The following ATP7A variants were observed in gnomAD, a reference collection of about 807,000 sequenced individuals.
ATP7A encodes copper-transporting ATPase 1.
A neutral mutation model predicts 83.5 loss-of-function variants in ATP7A; 7 were observed. The observed-to-expected ratio is 0.08, with a 90% CI of 0.05 to 0.16. The LOEUF (loss-of-function observed/expected upper bound fraction) is 0.16. Ranked by LOEUF, ATP7A falls within the 10% of genes least tolerant of loss-of-function variation. The pLI is 1.00. For missense variants in ATP7A, 940 were observed against 1,120.8 expected (o/e 0.84, Z 2.30); for synonymous variants, 354 against 395.2 (o/e 0.90, Z 1.24).
At position 77,928,261 on chromosome X, in the gene ATP7A, C is replaced by T. The variant is rs187068181; in HGVS notation, c.-22+17426C>T. Among the ~76,000 whole-genome samples, 5 of 111,217 alleles carry T rather than the reference C, an allele frequency of 4.5e-5. No individual in the cohort carries two copies. In the Admixed American group the frequency reaches 4.8e-4, roughly 11 times the overall value. On this transcript the variant is annotated intron_variant, in intron 1 of 22. Coordinates refer to ENST00000341514, the MANE Select transcript of ATP7A (RefSeq NM_000052.7). ...TGGTGTTAGTTTATACTACCATCAG[C>T]AGTATATCATAGTTCGTTAACTCAA...
At chrX:78,034,366 T>C (rs1239201277) in intron 17 of ATP7A, among the ~76,000 whole-genome samples, 1 of 111,773 alleles carries the variant, frequency 8.9e-6, no homozygotes. Context: ...CTTAAACATA[T>C]AAACATTTCT....
chrX:77,926,879 T>G (rs1218481997), intron 1 of ATP7A, among the ~76,000 whole-genome samples: 1 of 110,182 alleles, frequency 9.1e-6, no homozygotes, highest in Admixed American at 9.7e-5. Context: ...ATTTTTGTGT[T>G]TTCAGTAGAG....
chrX:77,922,028 C>T (rs1557223160), intron 1 of ATP7A, among the ~76,000 whole-genome samples: 1 of 111,015 alleles, frequency 9.0e-6, no homozygotes, highest in African/African-American at 3.3e-5. Context: ...CTCCTGGCCT[C>T]AAGAAGTCCT....
intron 1 of ATP7A, among the ~76,000 whole-genome samples, chrX:77,920,236 G>A (rs1557222956): frequency 9.7e-6 from 1 of 103,581 alleles, no homozygotes; most frequent in African/African-American, 3.6e-5. Context: ...TTTTTTTTGA[G>A]ACGGAATCTC....
At chrX:77,972,618 T>G (rs2077554911) in intron 2 of ATP7A, among the ~76,000 whole-genome samples, 1 of 111,760 alleles carries the variant, frequency 8.9e-6, no homozygotes, top group South Asian at 3.7e-4. Context: ...TCCAAACTGT[T>G]GGGATTACAG....
At chrX:77,985,388 G>C (rs369138103) in intron 2 of ATP7A, among the ~76,000 whole-genome samples, 1 of 107,377 alleles carries the variant, frequency 9.3e-6, no homozygotes, top group Admixed American at 1.0e-4. Context: ...TGACATTTTT[G>C]GGGGGGGTGG....
At chrX:78,017,989 G>T (rs1401868411) in intron 12 of ATP7A, among the ~76,000 whole-genome samples, 6 of 104,914 alleles carry the variant, frequency 5.7e-5, no homozygotes, top group Admixed American at 1.0e-4. Flanking sequence ...TGTTAGCCAG[G>T]ATGGTCTCAA....
At position 78,029,437 on chromosome X, in the gene ATP7A, C is replaced by T. The variant is rs1569550144; in HGVS notation, c.3104C>T (p.Ala1035Val). 1 of 1,208,836 alleles carries T rather than the reference C, an allele frequency of 8.3e-7. No homozygotes were observed. The highest frequency in any genetic ancestry group is 1.1e-6 in the Non-Finnish European group (1 of 893,704). ...AAAGGTGGAGAGCCATTGGAGATGG[C>T]TCATAAGGTAAGACAGTCCCCAGAA... ...LIKGGEPLEM[A>V]HKVKVVVFDK... The change falls in exon 15 of 23, where the codon GCT becomes GTT. Residue 1035 changes from alanine to valine, a missense_variant. Coordinates refer to ENST00000341514, the MANE Select transcript of ATP7A (RefSeq NM_000052.7).
At chrX:77,998,075 G>C (rs1354373030) in intron 4 of ATP7A, among the ~76,000 whole-genome samples, 3 of 110,343 alleles carry the variant, frequency 2.7e-5, no homozygotes, top group Non-Finnish European at 5.7e-5. Flanking sequence ...CTGCAATGCT[G>C]TTTTGCAAAT....
chrX:77,953,326 CTTGT>C (rs1250414359), intron 1 of ATP7A, among the ~76,000 whole-genome samples: 2 of 111,349 alleles, frequency 1.8e-5, no homozygotes, highest in African/African-American at 3.3e-5. Context: ...GGTACATGTG[CTTGT>C]TTGTTACATG....
Position 78,014,206 on chromosome X carries a change from G to C in ATP7A, c.2407-456G>C, listed in dbSNP as rs188424661. ...GTGGATCACGAGGTCAGGAGTTTGA[G>C]ACCGGCCTGGCCAACATGGTGAACC... is the stretch of plus-strand genomic sequence containing the variant. On this transcript the variant is annotated intron_variant, in intron 10 of 22. Coordinates refer to ENST00000341514, the MANE Select transcript of ATP7A (RefSeq NM_000052.7). Among the ~76,000 whole-genome samples the C allele has an allele frequency of 5.7e-3, 625 of 109,910 alleles. 3 individuals are homozygous for C. The highest frequency in any genetic ancestry group is 0.02 in the African/African-American group (599 of 30,253).
In ATP7A at chrX:78,048,134, T is replaced by C. The variant is rs1557239398; in HGVS notation, c.*1564T>C. 8.9e-6 allele frequency: 1 copy of C among 112,167 alleles called. No individual in the cohort carries two copies. Among genetic ancestry groups the C allele is most frequent in the African/African-American group, 3.2e-5 (1 of 30,895 alleles). 9.2% of individuals were successfully genotyped at this position (112,167 alleles called of 1,213,427 possible). ...TTGCCTAGTTAGTGTGGTTGGCAAA[T>C]TTAGGAGCTTGTTCCCATTGCCAAA... On this transcript the variant is annotated 3_prime_UTR_variant, in exon 23 of 23. Coordinates refer to ENST00000341514, the MANE Select transcript of ATP7A (RefSeq NM_000052.7).
intron 12 of ATP7A, among the ~76,000 whole-genome samples, chrX:78,016,153 C>T (rs1465758092): frequency 9.0e-6 from 1 of 111,059 alleles, no homozygotes; most frequent in African/African-American, 3.3e-5. Flanking sequence ...CTGGGGAGGC[C>T]TCAGGAAACT....
chrX:77,966,472 G>A (rs1203303675), intron 1 of ATP7A, among the ~76,000 whole-genome samples: 1 of 112,169 alleles, frequency 8.9e-6, no homozygotes, highest in Non-Finnish European at 1.9e-5. Context: ...ATGGAATACC[G>A]ATACATTTTA....
Position 77,910,848 on chromosome X carries a change from T to G in ATP7A, c.-22+13T>G, listed in dbSNP as rs563965187. The G allele has an allele frequency of 8.9e-6, 1 of 112,386 alleles. No homozygotes were observed. The highest frequency in any genetic ancestry group is 1.9e-5 in the Non-Finnish European group (1 of 53,279). The allele number at this position is 112,386 out of a possible 1,213,427, so 9.3% of individuals were successfully genotyped here. ...ATAGAGAAACCAGGTAAGTCCTACATTGGCTTCCCGTCGTCCTTTCTCCTG... is the reference window on the plus strand; with the variant it reads ...ATAGAGAAACCAGGTAAGTCCTACAGTGGCTTCCCGTCGTCCTTTCTCCTG... On this transcript the variant is annotated intron_variant, in intron 1 of 22. Transcript: ENST00000341514.
rs187926754 is a variant in ATP7A, at chrX:77,958,447, T to G, written c.-21-13174T>G. Reference sequence around the variant, plus strand: ...TATTTTAGGGCTCTATTCTGTTCCATTGTGTATGTGCCTGTTTTTATACCA... The same window carrying G: ...TATTTTAGGGCTCTATTCTGTTCCAGTGTGTATGTGCCTGTTTTTATACCA... On this transcript the variant is annotated intron_variant, in intron 1 of 22. Coordinates refer to ENST00000341514, the MANE Select transcript of ATP7A (RefSeq NM_000052.7). Among the ~76,000 whole-genome samples, 25 of 111,702 alleles carry G rather than the reference T, an allele frequency of 2.2e-4. 1 individual carries two copies. In the East Asian group the frequency reaches 7.1e-3, roughly 32 times the overall value.
chrX:77,961,451 G>A (rs1331106819), intron 1 of ATP7A, among the ~76,000 whole-genome samples: 3 of 111,806 alleles, frequency 2.7e-5, no homozygotes, highest in African/African-American at 6.5e-5. Flanking sequence ...TGTTGAATTT[G>A]ATGTTTTCCC....
At chrX:78,024,148 A>G (rs782817679) in intron 14 of ATP7A, among the ~76,000 whole-genome samples, 1 of 111,427 alleles carries the variant, frequency 9.0e-6, no homozygotes, top group South Asian at 3.7e-4. Context: ...TGTTCAGTTG[A>G]TCTACGTGTC....
At chrX:78,007,388 C>T (rs1267526720) in intron 6 of ATP7A, among the ~76,000 whole-genome samples, 1 of 110,550 alleles carries the variant, frequency 9.0e-6, no homozygotes, top group Non-Finnish European at 1.9e-5. Flanking sequence ...TGCAGTGGCG[C>T]GATCTTGGCT....
Sources: allele counts gnomAD v4.1 joint callset (sites outside exome capture counted in the v4.1 genomes callset), GRCh38; gene constraint gnomAD v4.1.1; transcripts MANE v1.5; gene names NCBI Gene and HGNC (gene_info 2026-07-23, HGNC 2026-07-21).